CCDC178: variants seen among roughly 807,000 people sequenced by gnomAD.
The protein encoded by CCDC178 is coiled-coil domain containing 178, also known as coiled-coil domain-containing protein 178.
In CCDC178, 126 loss-of-function variants were observed where a neutral mutation model predicts 117.4. The observed-to-expected ratio is 1.07, with a 90% CI of 0.93 to 1.24. The LOEUF (loss-of-function observed/expected upper bound fraction) is 1.24, where lower values mean the gene tolerates loss of function less well. Among genes scored for constraint, CCDC178 ranks in the 50% most tolerant of loss-of-function variants. The pLI is 0.00. For synonymous variants in CCDC178, 283 were observed against 313.4 expected (o/e 0.90, Z 1.02); for missense variants, 1,030 against 986.9 (o/e 1.04, Z -0.59).
At chr18:33,141,074 C>T (rs1364914142) in intron 20 of CCDC178, among the ~76,000 whole-genome samples, 1 of 152,144 alleles carries the variant, frequency 6.6e-6, no homozygotes, top group Non-Finnish European at 1.5e-5. Flanking sequence ...CTCCTCCTTG[C>T]CTTCCGCCAT....
chr18:32,994,011 C>T (rs1242464937), intron 21 of CCDC178, among the ~76,000 whole-genome samples: 3 of 152,022 alleles, frequency 2.0e-5, no homozygotes, highest in Non-Finnish European at 4.4e-5. Flanking sequence ...AGAAGCCTTT[C>T]CTGAGGCATC....
chr18:33,212,845 A>G (rs977680374), intron 19 of CCDC178, among the ~76,000 whole-genome samples: 1 of 151,994 alleles, frequency 6.6e-6, no homozygotes, highest in African/African-American at 2.4e-5. Context: ...ATATCAAAAC[A>G]TGGTTAAAAC....
rs145642185 is a variant in CCDC178 at position 32,988,079 on chromosome 18, A to AAATAATAAT, written c.2389-13407_2389-13399dup. Among the ~76,000 whole-genome samples the AAATAATAAT allele has an allele frequency of 2.1e-3, 298 of 141,226 alleles. 2 individuals carry two copies. Among genetic ancestry groups the AAATAATAAT allele is most frequent in the Admixed American group, 3.5e-3 (49 of 13,956 alleles). 92.6% of individuals were successfully genotyped at this position (141,226 alleles called of 152,430 possible). ...GCAACAAGAGTGAAAATCCGTCTCA[A>AAATAATAAT]AATAATAATAATAATAATAATAATA... On this transcript the variant is annotated intron_variant, in intron 21 of 22. Coordinates refer to ENST00000383096, the MANE Select transcript of CCDC178 (RefSeq NM_001105528.4).
At chr18:33,357,330 T>C (rs2063071165) in intron 6 of CCDC178, among the ~76,000 whole-genome samples, 3 of 152,146 alleles carry the variant, frequency 2.0e-5, no homozygotes, top group Admixed American at 1.3e-4. Context: ...CATAAACTTA[T>C]TGGTTTACAG....
chr18:33,179,112 CTA>C (rs554694009), intron 20 of CCDC178, among the ~76,000 whole-genome samples: 1,100 of 43,196 alleles, frequency 0.025, 48 homozygotes, highest in African/African-American at 0.076. Context: ...TATATATAAA[CTA>C]TATATATATA....
intron 10 of CCDC178, among the ~76,000 whole-genome samples, chr18:33,329,874 AGAGTGTGT>A (rs1402048319): frequency 6.9e-3 from 522 of 75,434 alleles, no homozygotes; most frequent in African/African-American, 0.025. Flanking sequence ...GAGAATTATT[AGAGTGTGT>A]GTGTGTGTGT....
At chr18:33,318,689 G>A in intron 11 of CCDC178, among the ~76,000 whole-genome samples, 1 of 151,378 alleles carries the variant, frequency 6.6e-6, no homozygotes, top group South Asian at 2.1e-4. Flanking sequence ...AAATCCCACT[G>A]GAATAAATAA....
At chr18:33,089,183 T>C (rs464104) in intron 21 of CCDC178, among the ~76,000 whole-genome samples, 3 of 151,984 alleles carry the variant, frequency 2.0e-5, no homozygotes, top group African/African-American at 4.8e-5. Context: ...ACTAGAGATA[T>C]CATATATAAT....
intron 20 of CCDC178, among the ~76,000 whole-genome samples, chr18:33,202,177 A>C (rs2058996903): frequency 6.6e-6 from 1 of 151,934 alleles, no homozygotes; most frequent in Non-Finnish European, 1.5e-5. Context: ...GGCGATCAAG[A>C]GGTCAAGAGA....
At chr18:33,215,476 T>C in intron 19 of CCDC178, 74 bp downstream of exon 19, 1 of 877,232 alleles carries the variant, frequency 1.1e-6, no homozygotes, top group Non-Finnish European at 1.6e-6. Context: ...GAATGCATTT[T>C]AAATATGGAA....
chr18:33,140,087 T>C (rs2058181732), intron 20 of CCDC178, among the ~76,000 whole-genome samples: 2 of 152,162 alleles, frequency 1.3e-5, no homozygotes. Flanking sequence ...GTTGACCCTT[T>C]GGGTGCACAG....
At chr18:33,293,912 AT>A (rs2062070898) in intron 11 of CCDC178, among the ~76,000 whole-genome samples, 1 of 152,132 alleles carries the variant, frequency 6.6e-6, no homozygotes, top group Admixed American at 6.6e-5. Context: ...CAGGTAAGAG[AT>A]TTATACACTT....
intron 12 of CCDC178, among the ~76,000 whole-genome samples, chr18:33,288,646 T>C (rs762293959): frequency 6.6e-6 from 1 of 151,706 alleles, no homozygotes; most frequent in Non-Finnish European, 1.5e-5. Flanking sequence ...TTCAACACAG[T>C]GTTATAAGCG....
chr18:33,218,275 T>C (rs1366389341), intron 18 of CCDC178, among the ~76,000 whole-genome samples: 1 of 152,172 alleles, frequency 6.6e-6, no homozygotes, highest in Non-Finnish European at 1.5e-5. Context: ...GCTCATATCC[T>C]TCACCCACTT....
intron 2 of CCDC178, among the ~76,000 whole-genome samples, chr18:33,430,035 G>A (rs529175430): frequency 2.5e-4 from 38 of 152,252 alleles, no homozygotes; most frequent in South Asian, 1.7e-3. Context: ...AAAGCTAAGA[G>A]ATAATATTGG....
chr18:33,202,787 TG>T (rs1210365312), intron 20 of CCDC178, among the ~76,000 whole-genome samples: 1 of 152,228 alleles, frequency 6.6e-6, no homozygotes, highest in African/African-American at 2.4e-5. Context: ...TGTCTCCCCC[TG>T]CAAATTAAGT....
At chr18:33,047,460 T>C (rs1011962269) in intron 21 of CCDC178, among the ~76,000 whole-genome samples, 2 of 152,196 alleles carry the variant, frequency 1.3e-5, no homozygotes, top group African/African-American at 4.8e-5. Context: ...GCTTCCCAAT[T>C]GAGGCCTCTA....
At chr18:33,085,408 A>G (rs2057365690) in intron 21 of CCDC178, among the ~76,000 whole-genome samples, 1 of 152,060 alleles carries the variant, frequency 6.6e-6, no homozygotes, top group Admixed American at 6.5e-5. Flanking sequence ...CTAAAAATAC[A>G]AAAAATTAGC....
intron 11 of CCDC178, among the ~76,000 whole-genome samples, chr18:33,308,217 A>G (rs1277667452): frequency 6.6e-6 from 1 of 152,236 alleles, no homozygotes; most frequent in Non-Finnish European, 1.5e-5. Context: ...GGAGCTGCCC[A>G]AGGCCATGGG....
Sources: allele counts gnomAD v4.1 joint callset (sites outside exome capture counted in the v4.1 genomes callset), GRCh38; gene constraint gnomAD v4.1.1; transcripts MANE v1.5; gene names NCBI Gene and HGNC (gene_info 2026-07-23, HGNC 2026-07-21).